ATRNL1: variants seen among roughly 807,000 people sequenced by gnomAD.
ATRNL1 encodes attractin-like protein 1.
Under a neutral mutation model 182.7 loss-of-function variants are expected in ATRNL1, and 95 were observed. That is an observed-to-expected ratio of 0.52 (90% confidence interval 0.44 to 0.62). ATRNL1 has a LOEUF of 0.62. Among genes scored for constraint, ATRNL1 ranks in the 20% least tolerant of loss-of-function variants. ATRNL1 has a pLI of 0.00. For synonymous variants in ATRNL1, 576 were observed against 568.3 expected, an observed-to-expected ratio of 1.01 and a Z score of -0.19; for missense variants, 1,471 against 1,679.5, an observed-to-expected ratio of 0.88 and a Z score of 2.17.
chr10:115,350,478 C>G (rs1317360769), intron 19 of ATRNL1, among the ~76,000 whole-genome samples: 2 of 151,512 alleles, frequency 1.3e-5, no homozygotes, highest in African/African-American at 4.9e-5. Context: ...GGTCTAGTTC[C>G]ATTCTTCTGT....
At chr10:115,519,203 A>G (rs1592775196) in intron 24 of ATRNL1, 60 bp from the exon 25 acceptor site, 1 of 1,359,326 alleles carries the variant, frequency 7.4e-7, no homozygotes, top group Non-Finnish European at 1.0e-6. Flanking sequence ...ATGTCATGAA[A>G]TATCACCACA....
At position 115,368,488 on chromosome 10, in the gene ATRNL1, G is replaced by A. The variant is rs1042461357; in HGVS notation, c.3176-26171G>A. ...AATGCAGAAATCACCCGTCTTCTGC[G>A]TCGCTCACGCTGGGAGCTGTAGACC... On this transcript the variant is annotated intron_variant, in intron 19 of 28. Transcript: ENST00000355044. Among the ~76,000 whole-genome samples the A allele has an allele frequency of 2.4e-4, 37 of 152,162 alleles. 1 individual carries two copies. Among genetic ancestry groups the A allele is most frequent in the African/African-American group, 7.7e-4 (32 of 41,440 alleles).
intron 27 of ATRNL1, among the ~76,000 whole-genome samples, chr10:115,771,897 G>C (rs1258700340): frequency 6.6e-6 from 1 of 152,122 alleles, no homozygotes; most frequent in African/African-American, 2.4e-5. Flanking sequence ...AATCTTGGGG[G>C]AAAAATAAGA....
At chr10:115,602,667 TC>T (rs1396531814) in intron 26 of ATRNL1, among the ~76,000 whole-genome samples, 1 of 152,016 alleles carries the variant, frequency 6.6e-6, no homozygotes, top group Non-Finnish European at 1.5e-5. Context: ...ATCGAGACCA[TC>T]CTGGCTAACA....
chr10:115,467,365 G>A lies in ATRNL1; in HGVS notation c.3496+113G>A, dbSNP rs899630081. On this transcript the variant is annotated intron_variant, in intron 23 of 28. Transcript: ENST00000355044. Reference sequence around the variant, plus strand: ...AAATTTTAAAAATGTTATATGACAGGATTATTTTGCTGTTACTGGTAAAAA... The same window carrying A: ...AAATTTTAAAAATGTTATATGACAGAATTATTTTGCTGTTACTGGTAAAAA... The A allele has an allele frequency of 5.5e-5, 36 of 653,144 alleles. 1 individual carries two copies. The Middle Eastern group carries it at 9.6e-4, about 17-fold the overall frequency. 40.5% of individuals were successfully genotyped at this position (653,144 alleles called of 1,614,324 possible).
intron 26 of ATRNL1, among the ~76,000 whole-genome samples, chr10:115,703,179 A>C (rs1472587481): frequency 6.6e-6 from 1 of 152,042 alleles, no homozygotes; most frequent in African/African-American, 2.4e-5. Context: ...CTATTCAATA[A>C]ATGGTGCTGG....
intron 14 of ATRNL1, among the ~76,000 whole-genome samples, chr10:115,282,823 TTTA>T (rs1337196851): frequency 1.3e-5 from 2 of 151,976 alleles, no homozygotes; most frequent in African/African-American, 2.4e-5. Context: ...GAATTATTTT[TTTA>T]TTATTATTAT....
At chr10:115,619,093 G>C (rs2804235) in intron 26 of ATRNL1, among the ~76,000 whole-genome samples, 45,498 of 152,068 alleles carry the variant, frequency 0.3, 7,925 homozygotes, top group East Asian at 0.68. Flanking sequence ...ATCAACATCA[G>C]TTATGTCTGT....
chr10:115,185,677 A>C (rs1847911609), intron 8 of ATRNL1, among the ~76,000 whole-genome samples: 1 of 151,984 alleles, frequency 6.6e-6, no homozygotes, highest in African/African-American at 2.4e-5. Context: ...ATGGATGTTA[A>C]ATCTGTGGGG....
intron 27 of ATRNL1, among the ~76,000 whole-genome samples, chr10:115,826,419 T>C (rs555342885): frequency 6.6e-6 from 1 of 152,136 alleles, no homozygotes; most frequent in African/African-American, 2.4e-5. Flanking sequence ...TTACATCTTT[T>C]TTACTCCAGC....
chr10:115,474,024 C>CTATTGT (rs1487279009), intron 24 of ATRNL1, among the ~76,000 whole-genome samples: 2 of 151,134 alleles, frequency 1.3e-5, no homozygotes, highest in Admixed American at 6.6e-5. Flanking sequence ...AACTGTTTAT[C>CTATTGT]TTTTCTATTG....
At chr10:115,686,659 C>A (rs1946228205) in intron 26 of ATRNL1, among the ~76,000 whole-genome samples, 1 of 151,914 alleles carries the variant, frequency 6.6e-6, no homozygotes, top group Non-Finnish European at 1.5e-5. Flanking sequence ...CTAACCAAAC[C>A]AGCACATATC....
chr10:115,107,929 G>A (rs574473751), intron 1 of ATRNL1, among the ~76,000 whole-genome samples: 1 of 152,130 alleles, frequency 6.6e-6, no homozygotes, highest in East Asian at 1.9e-4. Flanking sequence ...ATGCCTTTCT[G>A]GAAACTGTGA....
At chr10:115,932,303 A>T (rs1953424111) in intron 28 of ATRNL1, among the ~76,000 whole-genome samples, 1 of 152,198 alleles carries the variant, frequency 6.6e-6, no homozygotes, top group African/African-American at 2.4e-5. Context: ...TCACTTAGCA[A>T]ACATCAGAGG....
intron 26 of ATRNL1, among the ~76,000 whole-genome samples, chr10:115,705,723 G>T (rs1946877045): frequency 6.6e-6 from 1 of 151,896 alleles, no homozygotes; most frequent in African/African-American, 2.4e-5. Context: ...GTCTCCCAAA[G>T]ATTTCAGATT....
At chr10:115,491,706 G>A (rs1849307794) in intron 24 of ATRNL1, among the ~76,000 whole-genome samples, 1 of 152,188 alleles carries the variant, frequency 6.6e-6, no homozygotes, top group South Asian at 2.1e-4. Flanking sequence ...GACCAGCTGA[G>A]CCAGATCACT....
chr10:115,855,573 A>G (rs1951160715), intron 28 of ATRNL1, among the ~76,000 whole-genome samples: 1 of 152,344 alleles, frequency 6.6e-6, no homozygotes, highest in Non-Finnish European at 1.5e-5. Flanking sequence ...GAATAAAATT[A>G]TCTTTAAATT....
chr10:115,862,128 C>T (rs1951331489), intron 28 of ATRNL1, among the ~76,000 whole-genome samples: 1 of 152,092 alleles, frequency 6.6e-6, no homozygotes, highest in African/African-American at 2.4e-5. Flanking sequence ...CTCCTGTATC[C>T]TTTGTTGTGG....
chr10:115,201,947 A>G (rs1554892498), intron 8 of ATRNL1, among the ~76,000 whole-genome samples: 1 of 152,076 alleles, frequency 6.6e-6, no homozygotes, highest in African/African-American at 2.4e-5. Context: ...GGTCCTTCAC[A>G]TCCCTTGTAA....
Sources: gnomAD v4.1 joint callset for allele counts (sites outside exome capture counted in the v4.1 genomes callset) on GRCh38, gnomAD v4.1.1 for gene constraint, MANE v1.5 for transcripts, NCBI Gene and HGNC (gene_info 2026-07-23, HGNC 2026-07-21) for gene names.